Variants in CCDC91 observed in about 807,000 individuals in gnomAD.
CCDC91 encodes the protein coiled-coil domain-containing protein 91.
Under a neutral mutation model 63.2 loss-of-function variants are expected in CCDC91, and 48 were observed. The observed-to-expected ratio is 0.76, with a 90% CI of 0.60 to 0.97. The LOEUF is 0.97. CCDC91 is among the 50% of genes least tolerant of loss of function. The pLI, the probability that CCDC91 is intolerant of heterozygous loss-of-function variation, is 0.00. For missense variants in CCDC91, 500 were observed against 494.6 expected (o/e 1.01, Z -0.10); for synonymous variants, 167 against 165.8 (o/e 1.01, Z -0.06).
chr12:28,275,444 A>T (rs1592173820), intron 3 of CCDC91, among the ~76,000 whole-genome samples: 1 of 152,138 alleles, frequency 6.6e-6, no homozygotes, highest in African/African-American at 2.4e-5. Flanking sequence ...CTCTGAATAG[A>T]CCAATAACAG....
At chr12:28,270,944 T>A (rs1194943884) in intron 3 of CCDC91, among the ~76,000 whole-genome samples, 1 of 152,152 alleles carries the variant, frequency 6.6e-6, no homozygotes, top group African/African-American at 2.4e-5. Context: ...ATGTTTGCCT[T>A]CCTGGCTTTT....
intron 1 of CCDC91, among the ~76,000 whole-genome samples, chr12:28,203,056 GA>G (rs1283176476): frequency 6.6e-6 from 1 of 152,326 alleles, no homozygotes; most frequent in African/African-American, 2.4e-5. Flanking sequence ...TGGGGTTTTG[GA>G]GGAGGTCCAA....
intron 6 of CCDC91, among the ~76,000 whole-genome samples, chr12:28,320,965 G>T (rs952789279): frequency 1.3e-5 from 2 of 151,908 alleles, no homozygotes; most frequent in African/African-American, 4.8e-5. Flanking sequence ...TGTTGAGAAG[G>T]CTGTGTGTGT....
chr12:28,418,309 A>G (rs1303926845), intron 8 of CCDC91, among the ~76,000 whole-genome samples: 1 of 152,176 alleles, frequency 6.6e-6, no homozygotes, highest in Non-Finnish European at 1.5e-5. Flanking sequence ...GAAACTGACA[A>G]CAATTGCTAA....
At chr12:28,292,058 G>A (rs1431175534) in intron 3 of CCDC91, among the ~76,000 whole-genome samples, 6 of 152,084 alleles carry the variant, frequency 3.9e-5, no homozygotes, top group Non-Finnish European at 7.4e-5. Context: ...TTTATCACCC[G>A]TTTTGAACTA....
chr12:28,450,038 T>A lies in CCDC91; in HGVS notation c.763-123T>A, dbSNP rs1246758215. On this transcript the variant is annotated intron_variant, in intron 8 of 12. Coordinates refer to ENST00000536442, the MANE Select transcript of CCDC91 (RefSeq NM_018318.5). ...CTCCTGAACCTTCGTTTTAGGGAAA[T>A]TCTCATTTTTTCCTTTTGTAACTAC... 7.1e-6 allele frequency: 4 copies of A among 562,958 alleles called. No individual in the cohort carries two copies. The African/African-American group carries it at 7.6e-5, about 11-fold the overall frequency. The allele number at this position is 562,958 out of a possible 1,614,324, so 34.9% of individuals were successfully genotyped here.
At chr12:28,250,378 G>T (rs1469193326) in intron 1 of CCDC91, among the ~76,000 whole-genome samples, 3 of 152,076 alleles carry the variant, frequency 2.0e-5, no homozygotes, top group Non-Finnish European at 2.9e-5. Flanking sequence ...CTTTGGACTT[G>T]TAATAATCTG....
intron 1 of CCDC91, among the ~76,000 whole-genome samples, chr12:28,201,988 G>T (rs1302458971): frequency 2.0e-5 from 3 of 151,888 alleles, no homozygotes; most frequent in Admixed American, 6.5e-5. Flanking sequence ...GTACAGTCCA[G>T]CTTCGGCTCG....
At chr12:28,267,949 TTATATATAATTATATATAATTAA>T (rs1020475183) in intron 3 of CCDC91, among the ~76,000 whole-genome samples, 10 of 106,446 alleles carry the variant, frequency 9.4e-5, no homozygotes, top group Admixed American at 2.9e-4. Context: ...TATATAATTA[TTATATATAATTATATATAATTAA>T]TATATACCCA....
intron 12 of CCDC91, among the ~76,000 whole-genome samples, chr12:28,514,285 C>G (rs902112738): frequency 5.9e-5 from 9 of 151,750 alleles, no homozygotes; most frequent in African/African-American, 2.2e-4. Flanking sequence ...TGTTAATGTT[C>G]TTTGCACATT....
intron 1 of CCDC91, among the ~76,000 whole-genome samples, chr12:28,219,385 G>T (rs1354496111): frequency 6.6e-6 from 1 of 150,928 alleles, no homozygotes; most frequent in African/African-American, 2.4e-5. Context: ...TCTGTGGCTT[G>T]CCTTTTTATA....
intron 3 of CCDC91, among the ~76,000 whole-genome samples, chr12:28,262,340 T>A (rs11049491): frequency 0.2 from 30,551 of 152,056 alleles, 4,028 homozygotes; most frequent in Non-Finnish European, 0.3. Context: ...AAACATTTGG[T>A]TTACATTTTT....
At chr12:28,461,798 A>G (rs1338713811) in intron 11 of CCDC91, among the ~76,000 whole-genome samples, 1 of 152,132 alleles carries the variant, frequency 6.6e-6, no homozygotes, top group Non-Finnish European at 1.5e-5. Flanking sequence ...ATAAGGCAGC[A>G]TAAATTCATT....
intron 1 of CCDC91, among the ~76,000 whole-genome samples, chr12:28,205,740 A>G (rs916398421): frequency 2.0e-5 from 3 of 152,168 alleles, no homozygotes; most frequent in African/African-American, 7.2e-5. Flanking sequence ...GCTAAGACTC[A>G]GCTATTGTTA....
intron 7 of CCDC91, among the ~76,000 whole-genome samples, chr12:28,385,107 A>C (rs1290141138): frequency 6.6e-6 from 1 of 152,198 alleles, no homozygotes; most frequent in East Asian, 1.9e-4. Flanking sequence ...TTTTTAGTTA[A>C]AAATGAGAAA....
At chr12:28,359,789 C>CTTTTTT (rs1565853581) in intron 6 of CCDC91, among the ~76,000 whole-genome samples, 1 of 150,402 alleles carries the variant, frequency 6.6e-6, no homozygotes, top group African/African-American at 2.5e-5. Flanking sequence ...TTTCTATTTA[C>CTTTTTT]TTTTAAAATC....
At chr12:28,457,516 A>G (rs955273796) in intron 11 of CCDC91, among the ~76,000 whole-genome samples, 14 of 150,296 alleles carry the variant, frequency 9.3e-5, no homozygotes, top group African/African-American at 2.5e-4. Context: ...AGCCACTTCA[A>G]TTATTCCTGA....
At chr12:28,251,519 T>G (rs1376893979) in intron 1 of CCDC91, among the ~76,000 whole-genome samples, 2 of 152,084 alleles carry the variant, frequency 1.3e-5, no homozygotes, top group Non-Finnish European at 2.9e-5. Context: ...ATAGAACTAA[T>G]AGGTAGCTGG....
chr12:28,501,542 T>G (rs1937871256), intron 12 of CCDC91, among the ~76,000 whole-genome samples: 1 of 151,928 alleles, frequency 6.6e-6, no homozygotes, highest in Admixed American at 6.6e-5. Flanking sequence ...CAGCCTTGCA[T>G]CCCAGGGATG....
Sources: gnomAD v4.1 joint callset for allele counts (sites outside exome capture counted in the v4.1 genomes callset) on GRCh38, gnomAD v4.1.1 for gene constraint, MANE v1.5 for transcripts, NCBI Gene and HGNC (gene_info 2026-07-23, HGNC 2026-07-21) for gene names.